The following XXYLT1 variants were observed in gnomAD, a reference collection of about 807,000 sequenced individuals.
XXYLT1 encodes xyloside xylosyltransferase 1.
XXYLT1 carries 20 observed loss-of-function variants against 28.9 expected under a neutral mutation model. The observed-to-expected ratio is 0.69, with a 90% confidence interval of 0.49 to 1.00. The LOEUF (loss-of-function observed/expected upper bound fraction) is 1.00, where lower values mean the gene tolerates loss of function less well. Ranked by LOEUF, XXYLT1 falls within the 50% of genes least tolerant of loss-of-function variation. XXYLT1 has a pLI of 0.00. For synonymous variants in XXYLT1, 257 were observed against 253.8 expected (o/e 1.01, Z -0.12); for missense variants, 542 against 560.1 (o/e 0.97, Z 0.33).
intron 1 of XXYLT1, among the ~76,000 whole-genome samples, chr3:195,229,124 A>G (rs774973787): frequency 3.9e-5 from 6 of 152,132 alleles, no homozygotes; most frequent in Non-Finnish European, 8.8e-5. Context: ...TATCTCTTAC[A>G]TAGCTTATTT....
chr3:195,216,062 C>T (rs1385436587), intron 2 of XXYLT1, among the ~76,000 whole-genome samples: 3 of 151,898 alleles, frequency 2.0e-5, no homozygotes, highest in African/African-American at 7.2e-5. Context: ...CAACCTGCTC[C>T]TGAATGACTA....
intron 3 of XXYLT1, among the ~76,000 whole-genome samples, chr3:195,088,688 C>T (rs1485141660): frequency 1.1e-4 from 16 of 139,830 alleles, no homozygotes; most frequent in South Asian, 2.6e-4. Flanking sequence ...ATGACTTTGA[C>T]GAGCTGAGAG....
intron 3 of XXYLT1, among the ~76,000 whole-genome samples, chr3:195,112,491 C>T (rs375363697): frequency 0.038 from 2,635 of 69,974 alleles, 64 homozygotes; most frequent in African/African-American, 0.089. Context: ...CACGCATGGA[C>T]ACATGCACAC....
At chr3:195,169,657 C>A (rs1177757902) in intron 2 of XXYLT1, among the ~76,000 whole-genome samples, 1 of 152,108 alleles carries the variant, frequency 6.6e-6, no homozygotes, top group Non-Finnish European at 1.5e-5. Flanking sequence ...TATAGCCCCC[C>A]CCATAAGTAA....
At chr3:195,127,595 C>T (rs1718702299) in intron 3 of XXYLT1, among the ~76,000 whole-genome samples, 1 of 152,078 alleles carries the variant, frequency 6.6e-6, no homozygotes, top group Non-Finnish European at 1.5e-5. Flanking sequence ...GGGCAACATA[C>T]TGAGACCCTA....
intron 3 of XXYLT1, among the ~76,000 whole-genome samples, chr3:195,111,016 G>A (rs1717682105): frequency 6.6e-6 from 1 of 152,002 alleles, no homozygotes; most frequent in Non-Finnish European, 1.5e-5. Flanking sequence ...TGCTTAAACA[G>A]CAGACACTGA....
chr3:195,217,734 C>G (rs1198639270), intron 2 of XXYLT1, among the ~76,000 whole-genome samples: 1 of 151,888 alleles, frequency 6.6e-6, no homozygotes, highest in Non-Finnish European at 1.5e-5. Flanking sequence ...AATAGCCATA[C>G]TGCCCAAGGT....
In XXYLT1 at chr3:195,133,030, T is replaced by G. The variant is rs1384223590; in HGVS notation, c.785+23419A>C. Among the ~76,000 whole-genome samples the G allele has an allele frequency of 1.3e-5, 2 of 152,134 alleles. No individual in the cohort carries two copies. The highest frequency in any genetic ancestry group is 4.8e-5 in the African/African-American group (2 of 41,398). On this transcript the variant is annotated intron_variant, in intron 3 of 3. Transcript: ENST00000310380. This position sits in a 1 kb window ranked among gnomAD's most constrained non-coding sequence, Gnocchi z 4.4. ...ACTGAATCGTCCTGCTGAGTTCTAG[T>G]GAAACAAAAGCTTACAACATCATAA...
At chr3:195,144,736 T>C (rs1034133494) in intron 3 of XXYLT1, among the ~76,000 whole-genome samples, 2 of 152,150 alleles carry the variant, frequency 1.3e-5, no homozygotes, top group Non-Finnish European at 2.9e-5. Flanking sequence ...AGGATTCTAC[T>C]ACTCCTTTTA....
chr3:195,237,073 G>A (rs903485262), intron 1 of XXYLT1, among the ~76,000 whole-genome samples: 5 of 152,302 alleles, frequency 3.3e-5, no homozygotes, highest in African/African-American at 7.2e-5. Flanking sequence ...GGGGATGCAA[G>A]TGCTCCCTGA....
chr3:195,233,674 T>G (rs1470543727), intron 1 of XXYLT1, among the ~76,000 whole-genome samples: 1 of 136,518 alleles, frequency 7.3e-6, no homozygotes, highest in Non-Finnish European at 1.5e-5. Flanking sequence ...CCCCACTTTT[T>G]AACTTTTTGT....
chr3:195,180,084 C>A lies in XXYLT1; in HGVS notation c.653-23503G>T, dbSNP rs1721875720. Among the ~76,000 whole-genome samples the A allele has an allele frequency of 6.6e-6, 1 of 152,140 alleles. No homozygotes were observed. The highest frequency in any genetic ancestry group is 1.5e-5 in the Non-Finnish European group (1 of 68,020). ...GAGGGACAGAAGAATCTCTGAGCGG[C>A]CCCAAGCAGTGGGGTTCTGGCAGAG... On this transcript the variant is annotated intron_variant, in intron 2 of 3. Coordinates refer to ENST00000310380, the MANE Select transcript of XXYLT1 (RefSeq NM_152531.5). The surrounding 1 kb of genome is among the most constrained non-coding windows in gnomAD (Gnocchi z 5.8).
chr3:195,211,401 A>G (rs1723306367), intron 2 of XXYLT1, among the ~76,000 whole-genome samples: 1 of 152,206 alleles, frequency 6.6e-6, no homozygotes. Flanking sequence ...TCAAAAGAAG[A>G]AAAAGGGCGA....
At chr3:195,144,920 G>C (rs1719753513) in intron 3 of XXYLT1, among the ~76,000 whole-genome samples, 1 of 152,200 alleles carries the variant, frequency 6.6e-6, no homozygotes, top group African/African-American at 2.4e-5. Flanking sequence ...AAATAGGGGT[G>C]CCTTTTCTCT....
intron 1 of XXYLT1, among the ~76,000 whole-genome samples, chr3:195,229,048 G>A (rs1214912119): frequency 6.6e-6 from 1 of 151,678 alleles, no homozygotes; most frequent in Non-Finnish European, 1.5e-5. Context: ...CCTGACCTCA[G>A]GTGATCCACC....
intron 3 of XXYLT1, among the ~76,000 whole-genome samples, chr3:195,082,342 C>T (rs186426865): frequency 1.3e-4 from 20 of 152,324 alleles, no homozygotes; most frequent in African/African-American, 4.8e-4. Flanking sequence ...GTCAGCCCCC[C>T]TCCCTGGTGG....
chr3:195,134,158 T>C (rs989617904), intron 3 of XXYLT1, among the ~76,000 whole-genome samples: 8 of 152,336 alleles, frequency 5.3e-5, no homozygotes, highest in African/African-American at 1.7e-4. Context: ...GTTTTTAAAA[T>C]TTAAAAGTTT....
intron 2 of XXYLT1, among the ~76,000 whole-genome samples, chr3:195,187,921 C>CT (rs1560142353): frequency 6.6e-6 from 1 of 152,002 alleles, no homozygotes; most frequent in Non-Finnish European, 1.5e-5. Flanking sequence ...TACCCCCAAC[C>CT]TTTTTTTTAA....
chr3:195,226,915 C>T (rs1220633938), intron 1 of XXYLT1, 59 bp from the exon 2 acceptor site: 28 of 1,581,408 alleles, frequency 1.8e-5, no homozygotes, highest in Non-Finnish European at 2.3e-5. Context: ...GCAAGCTCAA[C>T]ACCCAACAAG....
Sources: allele counts gnomAD v4.1 joint callset (sites outside exome capture counted in the v4.1 genomes callset), GRCh38; gene constraint gnomAD v4.1.1; non-coding constraint Gnocchi (gnomAD v3.1); transcripts MANE v1.5; gene names NCBI Gene and HGNC (gene_info 2026-07-23, HGNC 2026-07-21).